The following EVC2 variants were observed in gnomAD, a reference collection of about 807,000 sequenced individuals.
The protein encoded by EVC2 is EvC ciliary complex subunit 2, also known as limbin.
EVC2 carries 148 observed loss-of-function variants against 149.3 expected under a neutral mutation model. The observed-to-expected ratio is 0.99, with a 90% CI of 0.87 to 1.14. EVC2 has a LOEUF of 1.14. EVC2 is among the 50% of genes most tolerant of loss of function. The pLI is 0.00. For synonymous variants in EVC2, 776 were observed against 649.9 expected (o/e 1.19, Z -2.95); for missense variants, 1,854 against 1,627.3 (o/e 1.14, Z -2.40).
In EVC2 at chr4:5,641,023, G is replaced by C. The variant is rs545404154; in HGVS notation, c.1146-185C>G. 2.6e-5 allele frequency among the ~76,000 whole-genome samples: 4 copies of C among 152,178 alleles called. 1 individual carries two copies. In the South Asian group the frequency reaches 6.2e-4, roughly 24 times the overall value. ...AAGGCCATTAGCTGACTCTTACTTAGTAAATTTGTAAGGTACCATGTGATG... is the reference window on the plus strand; with the variant it reads ...AAGGCCATTAGCTGACTCTTACTTACTAAATTTGTAAGGTACCATGTGATG... On this transcript the variant is annotated intron_variant, in intron 9 of 21. Coordinates refer to ENST00000344408, the MANE Select transcript of EVC2 (RefSeq NM_147127.5).
chr4:5,603,992 G>C (rs1714194568), intron 16 of EVC2, among the ~76,000 whole-genome samples: 1 of 152,176 alleles, frequency 6.6e-6, no homozygotes, highest in Non-Finnish European at 1.5e-5. Context: ...GGAGAGGCCT[G>C]TGCTTTAGGC....
chr4:5,587,772 C>T (rs148886364), intron 16 of EVC2, among the ~76,000 whole-genome samples: 3 of 152,094 alleles, frequency 2.0e-5, no homozygotes, highest in Non-Finnish European at 4.4e-5. Context: ...AGCAGGGGTA[C>T]GTGACTGGGG....
intron 19 of EVC2, among the ~76,000 whole-genome samples, chr4:5,573,774 C>T (rs1228979800): frequency 2.0e-5 from 3 of 152,176 alleles, no homozygotes; most frequent in South Asian, 2.1e-4. Flanking sequence ...CGCCTAAAAG[C>T]GCCCTAACCC....
intron 5 of EVC2, among the ~76,000 whole-genome samples, chr4:5,685,846 C>T (rs981112992): frequency 1.3e-5 from 2 of 152,282 alleles, no homozygotes; most frequent in East Asian, 1.9e-4. Flanking sequence ...CCATCCTGCT[C>T]GGGAGAGGCT....
At chr4:5,667,137 AGTAAT>A (rs546905288) in intron 7 of EVC2, among the ~76,000 whole-genome samples, 92 of 152,266 alleles carry the variant, frequency 6.0e-4, no homozygotes, top group African/African-American at 2.1e-3. Flanking sequence ...AGTCTTATAT[AGTAAT>A]GTAACTTTGC....
intron 9 of EVC2, among the ~76,000 whole-genome samples, chr4:5,643,873 C>G (rs1176016218): frequency 6.6e-6 from 1 of 152,012 alleles, no homozygotes; most frequent in East Asian, 1.9e-4. Flanking sequence ...CCAGCCTGGG[C>G]AATAGGGCGA....
chr4:5,570,148 T>C (rs146193981), intron 19 of EVC2, among the ~76,000 whole-genome samples: 1 of 152,334 alleles, frequency 6.6e-6, no homozygotes, highest in Non-Finnish European at 1.5e-5. Flanking sequence ...CCTCTGGAAC[T>C]AGGCTCTTAG....
chr4:5,646,795 TA>T (rs1161588497), intron 9 of EVC2, among the ~76,000 whole-genome samples: 1 of 152,184 alleles, frequency 6.6e-6, no homozygotes, highest in African/African-American at 2.4e-5. Context: ...AGAAACCTAC[TA>T]AGAGGATGAA....
rs574666932 is a variant in EVC2, at chr4:5,616,849, G to A, written c.2707-1305C>T. Among the ~76,000 whole-genome samples, 3 of 152,282 alleles carry A rather than the reference G, an allele frequency of 2.0e-5. No individual in the cohort carries two copies. The East Asian group carries it at 5.8e-4, about 29-fold the overall frequency. On this transcript the variant is annotated intron_variant, in intron 15 of 21. Transcript: ENST00000344408. ...TGCCTCCTCTGAGGCAGTGGCCACA[G>A]CCATTTCCATCTGAAAACCAAGCAC... is the stretch of plus-strand genomic sequence containing the variant.
intron 7 of EVC2, among the ~76,000 whole-genome samples, chr4:5,668,852 T>C (rs1719446766): frequency 6.6e-6 from 1 of 152,200 alleles, no homozygotes; most frequent in Non-Finnish European, 1.5e-5. Context: ...AAAAGACATG[T>C]TGAAGTCCTA....
chr4:5,694,051 C>A (rs970868579), intron 3 of EVC2, among the ~76,000 whole-genome samples: 1 of 152,184 alleles, frequency 6.6e-6, no homozygotes, highest in South Asian at 2.1e-4. Flanking sequence ...GGCAGTCACT[C>A]GGTCTGGTTA....
intron 1 of EVC2, among the ~76,000 whole-genome samples, chr4:5,701,516 C>T (rs527506188): frequency 1.9e-4 from 29 of 152,282 alleles, no homozygotes; most frequent in African/African-American, 4.8e-4. Context: ...CACACGTTGT[C>T]CGGCCTCCTC....
Position 5,573,864 on chromosome 4 carries a change from G to T in EVC2, c.3360+821C>A, listed in dbSNP as rs561090958. Among the ~76,000 whole-genome samples, 78 of 152,322 alleles carry T rather than the reference G, an allele frequency of 5.1e-4. No homozygotes were observed. In the South Asian group the frequency reaches 0.015, roughly 30 times the overall value. ...CCCCTGCAGCTAGCAAGGCCCACGG[G>T]TCAGCTCTCAGGTTGCGAGGGAAAC... On this transcript the variant is annotated intron_variant, in intron 19 of 21. Coordinates refer to ENST00000344408, the MANE Select transcript of EVC2 (RefSeq NM_147127.5).
At position 5,633,575 on chromosome 4, in the gene EVC2, G is replaced by T. The variant is rs1716700314; in HGVS notation, c.1471-1543C>A. 6.6e-6 allele frequency among the ~76,000 whole-genome samples: 1 copy of T among 152,228 alleles called. No homozygotes were observed. The highest frequency in any genetic ancestry group is 2.4e-5 in the African/African-American group (1 of 41,470). ...AAGGCAGTGACAGTGGAGCTTGTTGGTGAAGCGAAGGCAGGGAAAGGCTTA... is the reference window on the plus strand; with the variant it reads ...AAGGCAGTGACAGTGGAGCTTGTTGTTGAAGCGAAGGCAGGGAAAGGCTTA... On this transcript the variant is annotated intron_variant, in intron 10 of 21. Transcript: ENST00000344408. The surrounding 1 kb of genome is among the most constrained non-coding windows in gnomAD (Gnocchi z 4.4).
intron 16 of EVC2, among the ~76,000 whole-genome samples, chr4:5,592,601 G>C (rs1712913526): frequency 6.6e-6 from 1 of 152,216 alleles, no homozygotes; most frequent in Non-Finnish European, 1.5e-5. Flanking sequence ...GTAAAGACTT[G>C]AAATTGGTGA....
Position 5,545,049 on chromosome 4 carries a change from C to T in EVC2, c.3420-1837G>A, listed in dbSNP as rs529217512. Among the ~76,000 whole-genome samples, 8 of 152,332 alleles carry T rather than the reference C, an allele frequency of 5.3e-5. No homozygotes were observed. In the South Asian group the frequency reaches 1.7e-3, roughly 32 times the overall value. On this transcript the variant is annotated intron_variant and NMD_transcript_variant, in intron 21 of 22. Coordinates refer to the EVC2 transcript ENST00000475313. ...CTCGGCCCTCCAGGCTCAGGTGCAA[C>T]GTTCTATTCTTCGTGTAGTTTACCT...
At chr4:5,545,197 A>G (rs1721591678) in intron 21 of EVC2, among the ~76,000 whole-genome samples, 1 of 152,244 alleles carries the variant, frequency 6.6e-6, no homozygotes, top group African/African-American at 2.4e-5. Flanking sequence ...TCGCTCATTC[A>G]TTCATTCATC....
intron 21 of EVC2, chr4:5,543,230 C>T: frequency 7.8e-7 from 1 of 1,288,824 alleles, no homozygotes; most frequent in East Asian, 5.6e-5. Flanking sequence ...AGGATACAAT[C>T]CTGGTCTAAC....
intron 12 of EVC2, among the ~76,000 whole-genome samples, chr4:5,626,124 G>A (rs1041810243): frequency 3.9e-5 from 6 of 152,156 alleles, no homozygotes; most frequent in African/African-American, 1.4e-4. Context: ...CATCATTAGG[G>A]TGGAAGTTGG....
Sources: gnomAD v4.1 joint callset for allele counts (sites outside exome capture counted in the v4.1 genomes callset) on GRCh38, gnomAD v4.1.1 for gene constraint, Gnocchi (gnomAD v3.1) non-coding constraint, MANE v1.5 for transcripts, NCBI Gene and HGNC (gene_info 2026-07-23, HGNC 2026-07-21) for gene names.